RIC3: variants seen among roughly 807,000 people sequenced by gnomAD.
The protein encoded by RIC3 is RIC3 acetylcholine receptor chaperone, also known as protein RIC-3.
RIC3 carries 28 observed loss-of-function variants against 27.3 expected under a neutral mutation model. The observed-to-expected ratio is 1.02, with a 90% confidence interval of 0.76 to 1.41. The LOEUF (loss-of-function observed/expected upper bound fraction) is 1.41, where lower values mean the gene tolerates loss of function less well. Among genes scored for constraint, RIC3 ranks in the 40% most tolerant of loss-of-function variants. The probability of loss-of-function intolerance (pLI) is 0.00; values close to 1 mark genes in which losing one functional copy is unlikely to be tolerated. For missense variants in RIC3, 501 were observed against 444.7 expected, an observed-to-expected ratio of 1.13 and a Z score of -1.14; for synonymous variants, 184 against 160.4, an observed-to-expected ratio of 1.15 and a Z score of -1.11.
At chr11:8,100,609 T>A in the RIC3 span, 3 of 1,612,464 alleles carry the variant, frequency 1.9e-6, no homozygotes, top group Non-Finnish European at 2.5e-6. Context: ...AACGTGAGTG[T>A]CTACCCCTTC....
chr11:8,104,956 A>AAAAT (rs1327882348), downstream of RIC3: 1 of 143,914 alleles, frequency 6.9e-6, no homozygotes, highest in Admixed American at 6.9e-5. Flanking sequence ...CTCCATTCTG[A>AAAAT]AAATAGCAGG....
chr11:8,099,651 A>G, the RIC3 span, among the ~76,000 whole-genome samples: 1 of 152,262 alleles, frequency 6.6e-6, no homozygotes, highest in South Asian at 2.1e-4. Context: ...AAGCTATGAA[A>G]CAGATCTATC....
intron 5 of RIC3, among the ~76,000 whole-genome samples, chr11:8,112,310 G>C (rs1333353806): frequency 1.5e-5 from 2 of 135,672 alleles, no homozygotes; most frequent in Non-Finnish European, 3.1e-5. Context: ...TTTTTTTTGA[G>C]ACGGAGTCTC....
At chr11:8,104,854 A>G (rs1944471219), downstream of RIC3, 1 of 152,148 alleles carries the variant, frequency 6.6e-6, no homozygotes, top group Admixed American at 6.5e-5. Context: ...TGTGATAATC[A>G]GAAGCTATAA....
At chr11:8,151,856 C>T (rs375811267) in intron 1 of RIC3, among the ~76,000 whole-genome samples, 5 of 148,764 alleles carry the variant, frequency 3.4e-5, no homozygotes, top group East Asian at 4.0e-4. Context: ...ACAAAGGTTG[C>T]GATGAGCAGA....
chr11:8,121,821 G>C (rs1946491521), intron 5 of RIC3, among the ~76,000 whole-genome samples: 1 of 152,130 alleles, frequency 6.6e-6, no homozygotes, highest in African/African-American at 2.4e-5. Context: ...TCTGCAGAAG[G>C]TAAAAGTTTT....
chr11:8,095,863 G>A, the RIC3 span, among the ~76,000 whole-genome samples: 1 of 152,346 alleles, frequency 6.6e-6, no homozygotes, highest in South Asian at 2.1e-4. Flanking sequence ...CCTGATTTGG[G>A]GGCAGATTTC....
Position 8,111,082 on chromosome 11 carries a change from C to T in RIC3, c.726G>A (p.Arg242=). 3 of 1,613,988 alleles carry T rather than the reference C, an allele frequency of 1.9e-6. No individual in the cohort carries two copies. The highest frequency in any genetic ancestry group is 2.5e-6 in the Non-Finnish European group (3 of 1,179,954). Residue 242 remains arginine, a synonymous_variant, in exon 6 of 6, where the codon AGG becomes AGA. Transcript: ENST00000309737. ...IYDLSDCIKR[R]QETILVDYPD... The stretch of plus-strand genomic sequence containing the variant: ...GGTAATCCACCAAGATTGTTTCTTG[C>T]CTACGCTTGATACAGTCTGAAAGGT...
At chr11:8,168,324 C>G (rs1285797666) in intron 1 of RIC3, among the ~76,000 whole-genome samples, 3 of 152,122 alleles carry the variant, frequency 2.0e-5, no homozygotes, top group Non-Finnish European at 4.4e-5. Context: ...GTAACTGAAA[C>G]TGGGGTTATT....
the RIC3 span, among the ~76,000 whole-genome samples, chr11:8,095,043 C>T: frequency 0.046 from 7,029 of 152,220 alleles, 428 homozygotes; most frequent in African/African-American, 0.14. Context: ...AAGGGGCCCA[C>T]GTTTTTAATG....
intron 5 of RIC3, among the ~76,000 whole-genome samples, chr11:8,113,115 G>A (rs912056346): frequency 3.3e-5 from 5 of 152,186 alleles, no homozygotes; most frequent in African/African-American, 1.2e-4. Context: ...TGGAATGCTA[G>A]GTAAAGTGGA....
At chr11:8,147,068 C>T (rs1363014035) in intron 1 of RIC3, among the ~76,000 whole-genome samples, 2 of 152,190 alleles carry the variant, frequency 1.3e-5, no homozygotes, top group Non-Finnish European at 2.9e-5. Context: ...TGATTGCCTC[C>T]TTTGGAAAGG....
intron 1 of RIC3, among the ~76,000 whole-genome samples, chr11:8,151,252 T>G (rs990092048): frequency 3.3e-5 from 5 of 152,130 alleles, no homozygotes; most frequent in Non-Finnish European, 7.4e-5. Context: ...TGAAAAGGGT[T>G]AGTATCCAAA....
At chr11:8,119,315 C>G (rs1211539288) in intron 5 of RIC3, among the ~76,000 whole-genome samples, 7 of 152,118 alleles carry the variant, frequency 4.6e-5, no homozygotes, top group Admixed American at 4.6e-4. Flanking sequence ...CTACAGTAAC[C>G]AAAACAGCAT....
Position 8,106,344 on chromosome 11 carries a change from A to AAGTAGGTGAT in RIC3, c.*4344_*4353dup. 1 of 152,264 alleles carries AAGTAGGTGAT rather than the reference A, an allele frequency of 6.6e-6. No individual in the cohort carries two copies. Among genetic ancestry groups the AAGTAGGTGAT allele is most frequent in the South Asian group, 2.1e-4 (1 of 4,822 alleles). 9.4% of individuals were successfully genotyped at this position (152,264 alleles called of 1,614,324 possible). A position where few individuals can be genotyped will look rare whatever the true frequency, so the allele number is the denominator to read the frequency against. On this transcript the variant is annotated 3_prime_UTR_variant, in exon 6 of 6. Coordinates refer to ENST00000309737, the MANE Select transcript of RIC3 (RefSeq NM_001206671.4). ...TGTTTCCTAGGAGCCTCAGGTGGGTAAGTAGGTGATAATAGCAAAGAGATC... is the reference window on the plus strand; with the variant it reads ...TGTTTCCTAGGAGCCTCAGGTGGGTAAGTAGGTGATAGTAGGTGATAATAGCAAAGAGATC...
chr11:8,109,846 C>T lies in RIC3; in HGVS notation c.*852G>A, dbSNP rs1395251719. The stretch of plus-strand genomic sequence containing the variant: ...GGGTTGCAGCCTCCTCATGGCAGGA[C>T]CATCCCTGGGCAGGGCTTCCTGCAG... On this transcript the variant is annotated 3_prime_UTR_variant, in exon 6 of 6. Coordinates refer to ENST00000309737, the MANE Select transcript of RIC3 (RefSeq NM_001206671.4). 2.0e-5 allele frequency: 3 copies of T among 152,314 alleles called. No individual in the cohort carries two copies. The highest frequency in any genetic ancestry group is 2.9e-5 in the Non-Finnish European group (2 of 68,146). The allele number at this position is 152,314 out of a possible 1,614,324, so 9.4% of individuals were successfully genotyped here. A position where few individuals can be genotyped will look rare whatever the true frequency, so the allele number is the denominator to read the frequency against.
rs552474338 is a variant in RIC3 at position 8,106,593 on chromosome 11, G to A, written c.*4105C>T. 12 of 152,422 alleles carry A rather than the reference G, an allele frequency of 7.9e-5. No homozygotes were observed. In the South Asian group the frequency reaches 2.5e-3, roughly 32 times the overall value. The allele number at this position is 152,422 out of a possible 1,614,324, so 9.4% of individuals were successfully genotyped here. ...GCCTTAGGAAGAGAACAGGGCTGTA[G>A]AGATGAAAAAGGTATAAAAGACCCA... On this transcript the variant is annotated 3_prime_UTR_variant, in exon 6 of 6. Transcript: ENST00000309737.
At chr11:8,146,028 G>A (rs1949642686) in intron 1 of RIC3, among the ~76,000 whole-genome samples, 1 of 152,172 alleles carries the variant, frequency 6.6e-6, no homozygotes, top group South Asian at 2.1e-4. Flanking sequence ...CCACTCTGGT[G>A]AATAAATCCC....
the RIC3 span, chr11:8,093,962 T>C: frequency 6.4e-6 from 10 of 1,556,886 alleles, no homozygotes; most frequent in South Asian, 1.0e-4. Context: ...AAAAATGCTG[T>C]GCTGGGGACT....
Sources: gnomAD v4.1 joint callset for allele counts (sites outside exome capture counted in the v4.1 genomes callset) on GRCh38, gnomAD v4.1.1 for gene constraint, MANE v1.5 for transcripts, NCBI Gene and HGNC (gene_info 2026-07-23, HGNC 2026-07-21) for gene names.